The following SESTD1 variants were observed in gnomAD, a reference collection of about 807,000 sequenced individuals.
SESTD1 encodes SEC14 domain and spectrin repeat-containing protein 1.
In SESTD1, 43 loss-of-function variants were observed where a neutral mutation model predicts 101.7. The observed-to-expected ratio is 0.42, with a 90% confidence interval of 0.33 to 0.55. The LOEUF is 0.55. Among genes scored for constraint, SESTD1 ranks in the 20% least tolerant of loss-of-function variants. The pLI, the probability that SESTD1 is intolerant of heterozygous loss-of-function variation, is 0.07. For synonymous variants in SESTD1, 283 were observed against 286.8 expected (o/e 0.99, Z 0.13); for missense variants, 647 against 815.1 (o/e 0.79, Z 2.51).
rs545874708 is a variant in SESTD1, at chr2:179,221,980, G to C, written c.-25-30114C>G. Among the ~76,000 whole-genome samples, 12 of 152,168 alleles carry C rather than the reference G, an allele frequency of 7.9e-5. No individual in the cohort carries two copies. The South Asian group carries it at 2.3e-3, about 29-fold the overall frequency. On this transcript the variant is annotated intron_variant, in intron 1 of 17. Coordinates refer to ENST00000428443, the MANE Select transcript of SESTD1 (RefSeq NM_178123.5). ...TTGTATTTTTTGTAGTAAAACTACT[G>C]AAACAATAGAACATTCTGCAAATTT...
At chr2:179,115,693 C>T (rs113766610) in intron 15 of SESTD1, among the ~76,000 whole-genome samples, 9 of 152,014 alleles carry the variant, frequency 5.9e-5, no homozygotes, top group South Asian at 4.2e-4. Flanking sequence ...GGATGCAGTG[C>T]GCTATGATTG....
intron 7 of SESTD1, among the ~76,000 whole-genome samples, chr2:179,147,243 A>G (rs1259811447): frequency 6.6e-6 from 1 of 152,070 alleles, no homozygotes; most frequent in Non-Finnish European, 1.5e-5. Context: ...ACTAAGCAAT[A>G]ACACGTCAGT....
intron 2 of SESTD1, among the ~76,000 whole-genome samples, chr2:179,185,420 T>C (rs1407955716): frequency 2.1e-5 from 3 of 145,192 alleles, no homozygotes; most frequent in Non-Finnish European, 3.0e-5. Context: ...GTATATAATA[T>C]AGTATATTCT....
chr2:179,220,539 A>G (rs939874824), intron 1 of SESTD1, among the ~76,000 whole-genome samples: 1 of 152,068 alleles, frequency 6.6e-6, no homozygotes, highest in African/African-American at 2.4e-5. Context: ...TGAGCTCTCT[A>G]CCTGTACATT....
At chr2:179,219,422 C>G (rs935814540) in intron 1 of SESTD1, among the ~76,000 whole-genome samples, 1 of 152,214 alleles carries the variant, frequency 6.6e-6, no homozygotes, top group Non-Finnish European at 1.5e-5. Context: ...ACTAAATCAT[C>G]TCTAGTAAGT....
chr2:179,222,528 G>C (rs1478215413), intron 1 of SESTD1, among the ~76,000 whole-genome samples: 2 of 151,672 alleles, frequency 1.3e-5, no homozygotes, highest in Non-Finnish European at 2.9e-5. Flanking sequence ...TTCCCACTAA[G>C]GCATTCTTGA....
chr2:179,105,178 T>G lies in SESTD1; in HGVS notation c.*4721A>C, dbSNP rs771513399. ...TGTGGTCTTTTCATGCTTTGTTCTG[T>G]TTTTTTTTTTTTTTTAACCTCATTA... On this transcript the variant is annotated 3_prime_UTR_variant, in exon 18 of 18. Transcript: ENST00000428443. 4.0e-4 allele frequency: 18 copies of G among 44,660 alleles called. No homozygotes were observed. The highest frequency in any genetic ancestry group is 0.011 in the Middle Eastern group (1 of 94). 2.8% of individuals were successfully genotyped at this position (44,660 alleles called of 1,614,324 possible). A position where few individuals can be genotyped will look rare whatever the true frequency, so the allele number is the denominator to read the frequency against.
rs539370709 is a variant in SESTD1 at position 179,176,840 on chromosome 2, T to C, written c.165-302A>G. ...CATCAAAGCAACATTCAAACAGTCC[T>C]ACTAGTCTCTCAATTTCTTCGTCTG... On this transcript the variant is annotated intron_variant, in intron 3 of 17. Coordinates refer to ENST00000428443, the MANE Select transcript of SESTD1 (RefSeq NM_178123.5). Among the ~76,000 whole-genome samples, 3 of 152,340 alleles carry C rather than the reference T, an allele frequency of 2.0e-5. No individual in the cohort carries two copies. In the East Asian group the frequency reaches 5.8e-4, roughly 29 times the overall value.
intron 1 of SESTD1, among the ~76,000 whole-genome samples, chr2:179,200,375 C>T (rs1191424666): frequency 1.3e-5 from 2 of 151,964 alleles, no homozygotes; most frequent in Non-Finnish European, 2.9e-5. Flanking sequence ...CAATGCCATC[C>T]CCATCAAGCT....
chr2:179,179,463 A>T (rs918547815), intron 3 of SESTD1, among the ~76,000 whole-genome samples: 2 of 152,178 alleles, frequency 1.3e-5, no homozygotes, highest in Admixed American at 6.5e-5. Flanking sequence ...CCTGGGGCCA[A>T]CATCCTGCAG....
chr2:179,213,711 T>C (rs560692290), intron 1 of SESTD1, among the ~76,000 whole-genome samples: 2 of 134,144 alleles, frequency 1.5e-5, no homozygotes, highest in East Asian at 4.0e-4. Flanking sequence ...TTCACCAAGG[T>C]TGAAATGAAG....
At chr2:179,137,111 C>A (rs2045163393) in intron 9 of SESTD1, among the ~76,000 whole-genome samples, 1 of 152,164 alleles carries the variant, frequency 6.6e-6, no homozygotes, top group South Asian at 2.1e-4. Context: ...CTCAATCAAT[C>A]TGAATATTAA....
chr2:179,128,298 C>T (rs2044923980), intron 10 of SESTD1, among the ~76,000 whole-genome samples: 2 of 152,178 alleles, frequency 1.3e-5, no homozygotes, highest in African/African-American at 2.4e-5. Flanking sequence ...GAAATTAACA[C>T]CTGAAATTAG....
chr2:179,104,370 A>G lies in SESTD1; in HGVS notation c.*5529T>C, dbSNP rs1477510285. 1 of 152,216 alleles carries G rather than the reference A, an allele frequency of 6.6e-6. No homozygotes were observed. The highest frequency in any genetic ancestry group is 1.5e-5 in the Non-Finnish European group (1 of 68,034). The allele number at this position is 152,216 out of a possible 1,614,324, so 9.4% of individuals were successfully genotyped here. ...TAAAGATAACATAAGAGTTAAGATGAGAAAACATTCCTAAGAGAAAAATCA... is the reference window on the plus strand; with the variant it reads ...TAAAGATAACATAAGAGTTAAGATGGGAAAACATTCCTAAGAGAAAAATCA... On this transcript the variant is annotated 3_prime_UTR_variant, in exon 18 of 18. Transcript: ENST00000428443.
intron 1 of SESTD1, among the ~76,000 whole-genome samples, chr2:179,193,540 T>C (rs1162320921): frequency 6.6e-6 from 1 of 152,224 alleles, no homozygotes; most frequent in Non-Finnish European, 1.5e-5. Flanking sequence ...GAAGACCTGA[T>C]TTGAAAGTTT....
intron 1 of SESTD1, among the ~76,000 whole-genome samples, chr2:179,232,880 C>T (rs977410313): frequency 1.3e-5 from 2 of 152,178 alleles, no homozygotes; most frequent in Admixed American, 6.5e-5. Context: ...TCAGGATAAT[C>T]GCCTAGGAAG....
chr2:179,171,096 G>A (rs1044039229), intron 5 of SESTD1, among the ~76,000 whole-genome samples: 6 of 152,100 alleles, frequency 3.9e-5, no homozygotes, highest in Admixed American at 1.3e-4. Context: ...TTAACTATAG[G>A]AGCATATAGG....
At chr2:179,152,362 GA>G (rs2045547807) in intron 5 of SESTD1, among the ~76,000 whole-genome samples, 1 of 152,170 alleles carries the variant, frequency 6.6e-6, no homozygotes, top group Non-Finnish European at 1.5e-5. Flanking sequence ...GCGCATGTGC[GA>G]AATTTTTGGA....
At chr2:179,237,339 T>C (rs937041659) in intron 1 of SESTD1, among the ~76,000 whole-genome samples, 3 of 152,222 alleles carry the variant, frequency 2.0e-5, no homozygotes, top group Non-Finnish European at 4.4e-5. Flanking sequence ...GTTTTTCCGA[T>C]GACCTTCTGA....
Sources: allele counts gnomAD v4.1 joint callset (sites outside exome capture counted in the v4.1 genomes callset), GRCh38; gene constraint gnomAD v4.1.1; transcripts MANE v1.5; gene names NCBI Gene and HGNC (gene_info 2026-07-23, HGNC 2026-07-21).